The following ELMO1 variants were observed in gnomAD, a reference collection of about 807,000 sequenced individuals.
ELMO1 encodes engulfment and cell motility 1.
ELMO1 carries 26 observed loss-of-function variants against 98.9 expected under a neutral mutation model. The observed-to-expected ratio is 0.26, with a 90% CI of 0.19 to 0.36. The LOEUF (loss-of-function observed/expected upper bound fraction) is 0.36, where lower values mean the gene tolerates loss of function less well. ELMO1 is among the 10% of genes least tolerant of loss of function. ELMO1 has a pLI of 1.00. For synonymous variants in ELMO1, 346 were observed against 346.0 expected (o/e 1.00, Z 0.00); for missense variants, 627 against 935.2 (o/e 0.67, Z 4.30).
At chr7:37,446,784 A>G (rs778893806) in intron 1 of ELMO1, among the ~76,000 whole-genome samples, 5 of 152,138 alleles carry the variant, frequency 3.3e-5, no homozygotes, top group Non-Finnish European at 5.9e-5. Context: ...CCCCTCCCCA[A>G]GAGTCCCAGC....
chr7:37,337,523 TA>T (rs57584545), intron 2 of ELMO1, among the ~76,000 whole-genome samples: 4,982 of 132,540 alleles, frequency 0.038, 209 homozygotes, highest in African/African-American at 0.12. Context: ...ACTTAAAGTA[TA>T]AAAAAAAAAA....
At chr7:37,109,341 G>A (rs1451029848) in intron 14 of ELMO1, among the ~76,000 whole-genome samples, 1 of 152,194 alleles carries the variant, frequency 6.6e-6, no homozygotes, top group African/African-American at 2.4e-5. Flanking sequence ...AATGTCCTTC[G>A]TTGTGTGTTT....
At chr7:37,309,802 G>A (rs6972774) in intron 4 of ELMO1, among the ~76,000 whole-genome samples, 56,016 of 152,058 alleles carry the variant, frequency 0.37, 11,453 homozygotes, top group Middle Eastern at 0.55. Flanking sequence ...AAATAGGACT[G>A]CAGGCTTCTC....
chr7:36,960,240 T>C (rs1330786460), intron 16 of ELMO1, among the ~76,000 whole-genome samples: 1 of 152,152 alleles, frequency 6.6e-6, no homozygotes, highest in Non-Finnish European at 1.5e-5. Context: ...TCCAGTTAAT[T>C]GGTCTACTGT....
At chr7:37,020,024 G>A (rs976151969) in intron 15 of ELMO1, among the ~76,000 whole-genome samples, 7 of 152,154 alleles carry the variant, frequency 4.6e-5, no homozygotes, top group African/African-American at 1.7e-4. Flanking sequence ...GTGTAGTGGG[G>A]CAGGTATTGT....
intron 14 of ELMO1, among the ~76,000 whole-genome samples, chr7:37,129,115 T>C (rs2541083): frequency 0.17 from 26,457 of 151,488 alleles, 2,638 homozygotes; most frequent in African/African-American, 0.28. Flanking sequence ...CCTGGCTAGT[T>C]TGGCCTACCA....
Position 37,097,326 on chromosome 7 carries a change from T to C in ELMO1, c.1192-599A>G, listed in dbSNP as rs373535237. 4.7e-4 allele frequency among the ~76,000 whole-genome samples: 72 copies of C among 152,158 alleles called. 1 individual carries two copies. The South Asian group carries it at 0.015, about 32-fold the overall frequency. The stretch of plus-strand genomic sequence containing the variant: ...GCCGAGGCGGGCGGATCATTGGAGG[T>C]CAGGAGTTGGAGACCAGCCTGGCCA... On this transcript the variant is annotated intron_variant, in intron 14 of 21. Coordinates refer to ENST00000310758, the MANE Select transcript of ELMO1 (RefSeq NM_014800.11).
intron 13 of ELMO1, among the ~76,000 whole-genome samples, chr7:37,179,700 C>T (rs1790724730): frequency 6.6e-6 from 1 of 151,886 alleles, no homozygotes; most frequent in African/African-American, 2.4e-5. Flanking sequence ...TACATGGAAA[C>T]AGTAGAAAGA....
At chr7:36,963,579 G>A (rs578132412) in intron 16 of ELMO1, among the ~76,000 whole-genome samples, 1 of 152,122 alleles carries the variant, frequency 6.6e-6, no homozygotes, top group Admixed American at 6.5e-5. Context: ...ATGGATTAGA[G>A]GCATTTTTCC....
At chr7:37,053,285 A>AAC (rs59573752) in intron 15 of ELMO1, among the ~76,000 whole-genome samples, 26,943 of 138,632 alleles carry the variant, frequency 0.19, 2,514 homozygotes, top group Admixed American at 0.24. Context: ...CATTTGTTAA[A>AAC]ACACACACAC....
intron 3 of ELMO1, 98 bp from the exon 4 acceptor site, chr7:37,315,020 G>T: frequency 9.4e-7 from 1 of 1,063,940 alleles, no homozygotes; most frequent in Non-Finnish European, 1.4e-6. Flanking sequence ...CCTGTGATTG[G>T]AATTGGACCA....
At chr7:37,132,707 A>T (rs1201720655) in intron 14 of ELMO1, among the ~76,000 whole-genome samples, 1 of 152,156 alleles carries the variant, frequency 6.6e-6, no homozygotes, top group Non-Finnish European at 1.5e-5. Context: ...GTAAGAAGGC[A>T]TTTCTCTGCC....
chr7:37,027,179 T>C (rs535122037), intron 15 of ELMO1, among the ~76,000 whole-genome samples: 126 of 152,116 alleles, frequency 8.3e-4, no homozygotes, highest in Non-Finnish European at 1.7e-3. Context: ...TGAAACTGAG[T>C]GTAGGTGTTC....
chr7:36,918,281 A>G (rs758937459), intron 16 of ELMO1, among the ~76,000 whole-genome samples: 12 of 152,228 alleles, frequency 7.9e-5, no homozygotes, highest in Non-Finnish European at 1.5e-4. Flanking sequence ...AACCAGATCT[A>G]TAAGTCAAAC....
At chr7:37,222,800 A>T (rs1793668176) in intron 9 of ELMO1, 107 bp from the exon 10 acceptor site, 1 of 941,290 alleles carries the variant, frequency 1.1e-6, no homozygotes, top group Middle Eastern at 2.2e-4. Context: ...CCCCCAAAAA[A>T]AGTGAGAGAG....
At chr7:36,940,059 A>G (rs74906709) in intron 16 of ELMO1, among the ~76,000 whole-genome samples, 2,634 of 152,314 alleles carry the variant, frequency 0.017, 33 homozygotes, top group Non-Finnish European at 0.03. Context: ...TGTAAACGGG[A>G]AGAATCTGGA....
chr7:37,063,818 C>T lies in ELMO1; in HGVS notation c.1300+32801G>A, dbSNP rs554117560. 4.6e-5 allele frequency among the ~76,000 whole-genome samples: 7 copies of T among 152,266 alleles called. No homozygotes were observed. The East Asian group carries it at 1.4e-3, about 29-fold the overall frequency. Reference sequence around the variant, plus strand: ...CTCAAGTTTTTGAAGACTGCCTCCTCTCCTACCTCCTTAAGTAGTAAGTAC... The same window carrying T: ...CTCAAGTTTTTGAAGACTGCCTCCTTTCCTACCTCCTTAAGTAGTAAGTAC... On this transcript the variant is annotated intron_variant, in intron 15 of 21. Transcript: ENST00000310758.
intron 4 of ELMO1, among the ~76,000 whole-genome samples, chr7:37,274,998 C>G (rs959717419): frequency 1.3e-5 from 2 of 152,158 alleles, no homozygotes; most frequent in African/African-American, 4.8e-5. Context: ...ACTCTATGCC[C>G]ACGTTAAAGA....
chr7:36,931,110 T>C (rs1786000837), intron 16 of ELMO1, among the ~76,000 whole-genome samples: 1 of 152,240 alleles, frequency 6.6e-6, no homozygotes, highest in African/African-American at 2.4e-5. Context: ...TTGGGCACCA[T>C]GCTAGAATGA....
Sources: gnomAD v4.1 joint callset for allele counts (sites outside exome capture counted in the v4.1 genomes callset) on GRCh38, gnomAD v4.1.1 for gene constraint, MANE v1.5 for transcripts, NCBI Gene and HGNC (gene_info 2026-07-23, HGNC 2026-07-21) for gene names.